The following TTC6 variants were observed in gnomAD, a reference collection of about 807,000 sequenced individuals.
TTC6 encodes the protein tetratricopeptide repeat protein 6.
In TTC6, 172 loss-of-function variants were observed where a neutral mutation model predicts 210.4. The ratio of observed to expected loss-of-function variants is 0.82; its 90% CI spans 0.72 to 0.93. The LOEUF (loss-of-function observed/expected upper bound fraction) is 0.93, where lower values mean the gene tolerates loss of function less well. Ranked by LOEUF, TTC6 falls within the 40% of genes least tolerant of loss-of-function variation. TTC6 has a pLI of 0.00. For missense variants in TTC6, 2,414 were observed against 2,318.1 expected (o/e 1.04, Z -0.85); for synonymous variants, 804 against 819.6 (o/e 0.98, Z 0.32).
At chr14:37,730,498 T>C (rs1450311883) in intron 7 of TTC6, among the ~76,000 whole-genome samples, 2 of 152,214 alleles carry the variant, frequency 1.3e-5, no homozygotes, top group African/African-American at 4.8e-5. Flanking sequence ...TTCCTGATAA[T>C]TTTAATGTTC....
rs1029337107 is a variant in TTC6 at position 37,616,637 on chromosome 14, C to T, written c.-154-5413C>T. Among the ~76,000 whole-genome samples, 7 of 151,030 alleles carry T rather than the reference C, an allele frequency of 4.6e-5. No individual in the cohort carries two copies. The South Asian group carries it at 6.3e-4, about 14-fold the overall frequency. ...GCGTGAACCCGGGAGACGGAGCTTG[C>T]GGTGAGCGAAGATCGCGCCACTGCA... On this transcript the variant is annotated intron_variant, in intron 2 of 2. Transcript: ENST00000556845.
chr14:37,739,248 T>G, intron 10 of TTC6, 93 bp downstream of exon 12: 1 of 1,250,868 alleles, frequency 8.0e-7, no homozygotes, highest in Non-Finnish European at 1.1e-6. Flanking sequence ...ATTATTTTAT[T>G]CTGCACTGAA....
chr14:37,842,421 C>A (rs920461008), exon 31 of TTC6: 18 of 742,476 alleles, frequency 2.4e-5, no homozygotes, highest in Admixed American at 1.1e-4. Flanking sequence ...ATATAACCTT[C>A]TATGCATTTT....
intron 20 of TTC6, among the ~76,000 whole-genome samples, chr14:37,801,664 G>A (rs937980477): frequency 1.3e-5 from 2 of 152,152 alleles, no homozygotes; most frequent in Non-Finnish European, 2.9e-5. Flanking sequence ...GGGCAGCTGG[G>A]ACCTGAGTGC....
chr14:37,596,450 C>A lies in TTC6; in HGVS notation c.-235+442C>A, dbSNP rs2095604805. ...GGGGCTCGCTTGGTTCCTAATCGGT[C>A]CTGGACGTCGGTGGGAGAGTCTTCC... On this transcript the variant is annotated intron_variant, in intron 1 of 2. Coordinates refer to the TTC6 transcript ENST00000556845. Among the ~76,000 whole-genome samples the A allele has an allele frequency of 2.6e-5, 4 of 152,366 alleles. No homozygotes were observed. The South Asian group carries it at 8.3e-4, about 32-fold the overall frequency.
chr14:37,792,596 G>A (rs2096082542), intron 17 of TTC6, among the ~76,000 whole-genome samples, 182 bp downstream of exon 19: 2 of 151,876 alleles, frequency 1.3e-5, no homozygotes, highest in African/African-American at 4.8e-5. Context: ...TACTTTCAAG[G>A]TGTGCATTTT....
In TTC6 at chr14:37,686,129, G is replaced by A. The variant is rs76669678; in HGVS notation, c.1257+3165G>A. On this transcript the variant is annotated intron_variant, in intron 3 of 30. Coordinates refer to ENST00000553443, the Ensembl canonical transcript of TTC6. ...CAGGCTCTGCAACTAGATGTCCAAG[G>A]ACCGAATCCTCTCTTTACCCTTTAC... Among the ~76,000 whole-genome samples the A allele has an allele frequency of 5.9e-5, 9 of 152,096 alleles. No homozygotes were observed. In the East Asian group the frequency reaches 1.6e-3, roughly 26 times the overall value.
chr14:37,744,193 A>G (rs940470418), intron 10 of TTC6, among the ~76,000 whole-genome samples: 3 of 152,218 alleles, frequency 2.0e-5, no homozygotes, highest in Admixed American at 6.5e-5. Context: ...CATTTCTGCA[A>G]CATACATTTA....
exon 1 of TTC6, chr14:37,622,137 G>T (rs1289732468): frequency 6.5e-7 from 1 of 1,535,532 alleles, no homozygotes; most frequent in Non-Finnish European, 8.7e-7. Context: ...GCTTGAGAAA[G>T]TTCGGCAGGA....
In TTC6 at chr14:37,665,648, TA is replaced by T. The variant is rs749321095; in HGVS notation, c.940-14499del. Among the ~76,000 whole-genome samples the T allele has an allele frequency of 8.0e-4, 120 of 150,376 alleles. 7 individuals are homozygous for T. Among genetic ancestry groups the T allele is most frequent in the Non-Finnish European group, 1.5e-3 (103 of 66,924 alleles). The stretch of plus-strand genomic sequence containing the variant: ...CGTCCTGCACATGTACCCATGAACT[TA>T]AAATAAAAGTTGAAGGAAAAAAATG... On this transcript the variant is annotated intron_variant, in intron 1 of 30. Transcript: ENST00000553443.
intron 4 of TTC6, among the ~76,000 whole-genome samples, chr14:37,699,599 GA>G (rs1436934163): frequency 4.6e-5 from 7 of 152,156 alleles, no homozygotes; most frequent in Admixed American, 1.3e-4. Flanking sequence ...TTGCAGAGGG[GA>G]ATAGACAGAG....
intron 1 of TTC6, among the ~76,000 whole-genome samples, chr14:37,657,160 C>T (rs893602812): frequency 2.2e-5 from 3 of 136,108 alleles, no homozygotes; most frequent in African/African-American, 8.1e-5. Flanking sequence ...TGCAGTGAGT[C>T]GCGATTGCGC....
exon 14 of TTC6, chr14:37,753,153 T>C: frequency 1.3e-6 from 2 of 1,535,606 alleles, no homozygotes; most frequent in Non-Finnish European, 1.7e-6. Flanking sequence ...TGGGCTGTTT[T>C]ATTGTGAAAA....
Position 37,606,735 on chromosome 14 carries a change from G to A in TTC6, c.-162G>A, listed in dbSNP as rs2095625900. ...ATGAGGAGAGGAACAAGGATTCATG[G>A]AAGTGAGGTATGATGTCTTCAGTTC... is the stretch of plus-strand genomic sequence containing the variant. On this transcript the variant is annotated 5_prime_UTR_variant, in exon 2 of 3. It introduces an in-frame stop codon into an upstream open reading frame of the 5' UTR. Coordinates refer to the TTC6 transcript ENST00000556845. 1.0e-6 allele frequency: 1 copy of A among 985,304 alleles called. No individual in the cohort carries two copies. Among genetic ancestry groups the A allele is most frequent in the Non-Finnish European group, 1.2e-6 (1 of 829,916 alleles). The allele number at this position is 985,304 out of a possible 1,614,324, so 61.0% of individuals were successfully genotyped here.
chr14:37,841,348 G>C, intron 29 of TTC6, 97 bp from the exon 32 acceptor site: 1 of 990,970 alleles, frequency 1.0e-6, no homozygotes, highest in Non-Finnish European at 1.5e-6. Flanking sequence ...CTCTTGGTAT[G>C]CCACTGGCCT....
In TTC6 at chr14:37,796,950, G is replaced by A. The variant is rs1457473981; in HGVS notation, c.4029+3G>A. 1.3e-6 allele frequency: 2 copies of A among 1,589,260 alleles called. No individual in the cohort carries two copies. The highest frequency in any genetic ancestry group is 2.4e-5 in the South Asian group (2 of 84,398). ...AAATGAAGGCCAAGAGAACCAAGGT[G>A]AAAAGTCCTCTGAGTAATGTTTACT... On this transcript the variant is annotated splice_donor_region_variant and intron_variant, in intron 20 of 30. Coordinates refer to ENST00000553443, the Ensembl canonical transcript of TTC6.
intron 8 of TTC6, among the ~76,000 whole-genome samples, chr14:37,736,714 A>G (rs2095902681): frequency 6.6e-6 from 1 of 152,160 alleles, no homozygotes; most frequent in Non-Finnish European, 1.5e-5. Context: ...TTTATGGGGT[A>G]CAATTAGGAC....
intron 14 of TTC6, among the ~76,000 whole-genome samples, chr14:37,757,937 A>T (rs181403573): frequency 6.6e-6 from 1 of 152,294 alleles, no homozygotes. Context: ...TTCATTATTT[A>T]CCCAGTAGTC....
upstream of TTC6, among the ~76,000 whole-genome samples, chr14:37,621,660 A>G (rs1206059665): frequency 6.6e-6 from 1 of 152,198 alleles, no homozygotes; most frequent in Non-Finnish European, 1.5e-5. Context: ...GGGCTGAATG[A>G]TCCAGGCCTC....
Sources: allele counts gnomAD v4.1 joint callset (sites outside exome capture counted in the v4.1 genomes callset), GRCh38; gene constraint gnomAD v4.1.1; transcripts MANE v1.5; gene names NCBI Gene and HGNC (gene_info 2026-07-23, HGNC 2026-07-21).